LRRC4C: variants seen among roughly 807,000 people sequenced by gnomAD.
LRRC4C encodes the protein leucine-rich repeat-containing protein 4C.
Under a neutral mutation model 33.6 loss-of-function variants are expected in LRRC4C, and 5 were observed. The observed-to-expected ratio is 0.15, with a 90% CI of 0.08 to 0.31. The LOEUF is 0.31. Among genes scored for constraint, LRRC4C ranks in the 10% least tolerant of loss-of-function variants. The pLI is 1.00. For missense variants in LRRC4C, 560 were observed against 796.7 expected, an observed-to-expected ratio of 0.70 and a Z score of 3.58; for synonymous variants, 329 against 302.0, an observed-to-expected ratio of 1.09 and a Z score of -0.93.
At chr11:41,335,347 T>G (rs2137412270) in intron 1 of LRRC4C, among the ~76,000 whole-genome samples, 1 of 152,240 alleles carries the variant, frequency 6.6e-6, no homozygotes, top group South Asian at 2.1e-4. Flanking sequence ...GGGAAAGAAT[T>G]TCAACTTTCA....
chr11:40,614,491 T>C (rs965288114), intron 3 of LRRC4C, among the ~76,000 whole-genome samples: 2 of 151,868 alleles, frequency 1.3e-5, no homozygotes, highest in Admixed American at 6.6e-5. Context: ...ACTTTCTCCA[T>C]ATCAGCAATA....
At chr11:40,704,993 T>C (rs1946076877) in intron 2 of LRRC4C, among the ~76,000 whole-genome samples, 1 of 152,042 alleles carries the variant, frequency 6.6e-6, no homozygotes, top group African/African-American at 2.4e-5. Context: ...ATGTAAAAGT[T>C]AACTGTATAT....
rs1590380229 is a variant in LRRC4C at position 41,057,452 on chromosome 11, G to A, written c.-495-123729C>T. Among the ~76,000 whole-genome samples the A allele has an allele frequency of 2.0e-5, 3 of 152,234 alleles. No individual in the cohort carries two copies. The South Asian group carries it at 6.2e-4, about 31-fold the overall frequency. ...CAGCAGGAAGCAGACAGGTTCCTGG[G>A]TGGAAGGGGGCGGGCCCCCTAAGGC... On this transcript the variant is annotated intron_variant, in intron 1 of 6. Transcript: ENST00000528697.
chr11:40,593,378 T>C (rs1012382779), intron 3 of LRRC4C, among the ~76,000 whole-genome samples: 2 of 152,198 alleles, frequency 1.3e-5, no homozygotes, highest in Non-Finnish European at 2.9e-5. Flanking sequence ...CCTGTACACA[T>C]ACACATGTGC....
At chr11:41,328,374 G>A (rs1223575068) in intron 1 of LRRC4C, among the ~76,000 whole-genome samples, 1 of 152,068 alleles carries the variant, frequency 6.6e-6, no homozygotes, top group Non-Finnish European at 1.5e-5. Context: ...TTTGTTTTGA[G>A]TTTTATTTAG....
chr11:40,823,327 A>G (rs2135483863), intron 2 of LRRC4C, among the ~76,000 whole-genome samples: 1 of 151,828 alleles, frequency 6.6e-6, no homozygotes, highest in South Asian at 2.1e-4. Context: ...GAAAAAAATA[A>G]TGTTTGATTT....
intron 5 of LRRC4C, among the ~76,000 whole-genome samples, chr11:40,198,239 A>G (rs905380696): frequency 6.6e-6 from 1 of 152,220 alleles, no homozygotes; most frequent in Non-Finnish European, 1.5e-5. Context: ...ATACATACAG[A>G]CACACACCCA....
At chr11:41,058,833 T>C (rs1479195685) in intron 1 of LRRC4C, among the ~76,000 whole-genome samples, 2 of 152,104 alleles carry the variant, frequency 1.3e-5, no homozygotes, top group Non-Finnish European at 2.9e-5. Context: ...GTAGACTGGA[T>C]AAAGAAAATA....
intron 1 of LRRC4C, among the ~76,000 whole-genome samples, chr11:41,322,871 A>T (rs1185080026): frequency 1.3e-5 from 2 of 152,190 alleles, no homozygotes; most frequent in Non-Finnish European, 2.9e-5. Context: ...TTGCACTGGT[A>T]GTTCAAACTT....
intron 2 of LRRC4C, among the ~76,000 whole-genome samples, chr11:40,924,194 C>T (rs899227073): frequency 1.3e-5 from 2 of 151,100 alleles, no homozygotes; most frequent in Non-Finnish European, 2.9e-5. Context: ...TAGCAAGGAT[C>T]CAGTCCAAAG....
chr11:40,172,804 A>G (rs545033969), intron 5 of LRRC4C, among the ~76,000 whole-genome samples: 13 of 152,276 alleles, frequency 8.5e-5, no homozygotes, highest in African/African-American at 3.1e-4. Flanking sequence ...TGCCCTCAAA[A>G]AGATGTATTA....
At chr11:40,274,459 A>AC (rs2136374776) in intron 4 of LRRC4C, among the ~76,000 whole-genome samples, 1 of 151,710 alleles carries the variant, frequency 6.6e-6, no homozygotes, top group East Asian at 1.9e-4. Flanking sequence ...ACACACACAC[A>AC]CACACACAGA....
At chr11:40,638,767 C>T (rs1341201545) in intron 3 of LRRC4C, among the ~76,000 whole-genome samples, 4 of 124,370 alleles carry the variant, frequency 3.2e-5, no homozygotes, top group Non-Finnish European at 6.8e-5. Flanking sequence ...TTCAATTGGT[C>T]GAGTTTTTTT....
intron 3 of LRRC4C, among the ~76,000 whole-genome samples, chr11:40,540,352 C>G (rs1351155046): frequency 2.0e-5 from 3 of 152,146 alleles, no homozygotes; most frequent in Admixed American, 6.6e-5. Flanking sequence ...TAAAAATAAA[C>G]TGTCAGGTCT....
At chr11:40,179,411 T>A (rs1860795199) in intron 5 of LRRC4C, among the ~76,000 whole-genome samples, 1 of 152,166 alleles carries the variant, frequency 6.6e-6, no homozygotes, top group Non-Finnish European at 1.5e-5. Flanking sequence ...TGAGGCTTAG[T>A]TTTCACATCA....
intron 1 of LRRC4C, among the ~76,000 whole-genome samples, chr11:41,447,608 G>C (rs755523008): frequency 6.6e-6 from 1 of 152,142 alleles, no homozygotes; most frequent in Non-Finnish European, 1.5e-5. Flanking sequence ...GTAGGTAAAA[G>C]TACCGTAACT....
chr11:40,215,642 C>T (rs986409371), intron 5 of LRRC4C, among the ~76,000 whole-genome samples: 1 of 152,088 alleles, frequency 6.6e-6, no homozygotes, highest in Non-Finnish European at 1.5e-5. Flanking sequence ...AACTCAGAAA[C>T]TGACGTACAA....
chr11:40,604,860 A>G (rs555740210), intron 3 of LRRC4C, among the ~76,000 whole-genome samples: 1 of 152,260 alleles, frequency 6.6e-6, no homozygotes, highest in African/African-American at 2.4e-5. Flanking sequence ...GACAAGCAGC[A>G]TAAGGAGGAA....
At chr11:40,389,541 G>A (rs185896321) in intron 3 of LRRC4C, among the ~76,000 whole-genome samples, 341 of 152,048 alleles carry the variant, frequency 2.2e-3, no homozygotes, top group African/African-American at 7.8e-3. Flanking sequence ...TAGAAACTAG[G>A]AGGTTAATTT....
Sources: gnomAD v4.1 joint callset for allele counts (sites outside exome capture counted in the v4.1 genomes callset) on GRCh38, gnomAD v4.1.1 for gene constraint, MANE v1.5 for transcripts, NCBI Gene and HGNC (gene_info 2026-07-23, HGNC 2026-07-21) for gene names.